CLBA1: variants seen among roughly 807,000 people sequenced by gnomAD.
CLBA1 encodes the protein uncharacterized protein CLBA1.
Under a neutral mutation model 28.8 loss-of-function variants are expected in CLBA1, and 30 were observed. That is an observed-to-expected ratio of 1.04 (90% CI 0.78 to 1.41). CLBA1 has a LOEUF of 1.41. CLBA1 is among the 40% of genes most tolerant of loss of function. CLBA1 has a pLI of 0.00. For missense variants in CLBA1, 451 were observed against 412.3 expected (o/e 1.09, Z -0.81); for synonymous variants, 160 against 152.8 (o/e 1.05, Z -0.35).
At chr14:104,989,538 C>T (rs1899960199) in intron 2 of CLBA1, 1 of 454,388 alleles carries the variant, frequency 2.2e-6, no homozygotes, top group Non-Finnish European at 4.4e-6. Context: ...CAGCCCCAGG[C>T]CCAGCCCCAG....
chr14:104,989,265 T>C (rs145296877), intron 2 of CLBA1, 177 bp downstream of exon 2: 10,031 of 618,530 alleles, frequency 0.016, 118 homozygotes, highest in Non-Finnish European at 0.021. Flanking sequence ...GCGCTCCAGC[T>C]GTGGCCTTCC....
intron 2 of CLBA1, chr14:104,989,906 TG>T (rs1183684177): frequency 5.6e-6 from 2 of 354,122 alleles, no homozygotes; most frequent in Admixed American, 7.0e-5. Flanking sequence ...GCTCCAGCCC[TG>T]GCCCACCGTG....
intron 3 of CLBA1, among the ~76,000 whole-genome samples, chr14:104,992,744 T>A (rs532604713): frequency 6.6e-6 from 1 of 152,208 alleles, no homozygotes; most frequent in African/African-American, 2.4e-5. Context: ...GGCGCTGAGG[T>A]CCTGAAGGGG....
At chr14:104,993,378 G>A (rs1900091761) in intron 4 of CLBA1, 4 of 985,308 alleles carry the variant, frequency 4.1e-6, no homozygotes, top group Non-Finnish European at 4.8e-6. Flanking sequence ...TGTGGATGAC[G>A]AGGCTGGAAG....
At chr14:104,993,602 C>A in intron 4 of CLBA1, 1 of 985,466 alleles carries the variant, frequency 1.0e-6, no homozygotes, top group African/African-American at 1.7e-5. Flanking sequence ...AGGAGATGGG[C>A]AGAGAAGGGG....
Position 104,995,381 on chromosome 14 carries a change from T to A in CLBA1, c.*622T>A, listed in dbSNP as rs1441808461. ...GGTTGTGGACAGGAGGTCGCACCAC[T>A]GGCCTGCGAGAGCCTCTGGTGGGCC... is the stretch of plus-strand genomic sequence containing the variant. On this transcript the variant is annotated 3_prime_UTR_variant, in exon 5 of 5. Transcript: ENST00000547315. The A allele has an allele frequency of 1.0e-6, 1 of 985,328 alleles. No individual in the cohort carries two copies. The highest frequency in any genetic ancestry group is 1.2e-6 in the Non-Finnish European group (1 of 829,954). The allele number at this position is 985,328 out of a possible 1,614,324, so 61.0% of individuals were successfully genotyped here.
rs2140900209 is a variant in CLBA1, at chr14:104,994,935, G to A, written c.*176G>A. Reference sequence around the variant, plus strand: ...TTGTCTCGGGTCTGACCAGGAGATGGAGGATGTGTCCTTGGCAGAGCCAAG... The same window carrying A: ...TTGTCTCGGGTCTGACCAGGAGATGAAGGATGTGTCCTTGGCAGAGCCAAG... On this transcript the variant is annotated 3_prime_UTR_variant, in exon 5 of 5. Transcript: ENST00000547315. 1.5e-6 allele frequency: 2 copies of A among 1,349,308 alleles called. No homozygotes were observed. The highest frequency in any genetic ancestry group is 3.7e-5 in the South Asian group (2 of 54,746). 83.6% of individuals were successfully genotyped at this position (1,349,308 alleles called of 1,614,324 possible).
At chr14:104,993,626 GCT>G (rs1900097124) in intron 4 of CLBA1, 1 of 985,456 alleles carries the variant, frequency 1.0e-6, no homozygotes, top group Middle Eastern at 5.2e-4. Context: ...TCTTCTTGCA[GCT>G]CTCTCTTTTA....
At chr14:104,995,646 T>C (rs528116248), downstream of CLBA1, 49 of 263,940 alleles carry the variant, frequency 1.9e-4, no homozygotes, top group Non-Finnish European at 2.5e-4. Context: ...CAGGGGACCA[T>C]AGCCTCCATG....
chr14:104,994,562 G>C, intron 4 of CLBA1, 36 bp from the exon 5 acceptor site: 1 of 1,573,558 alleles, frequency 6.4e-7, no homozygotes, highest in Middle Eastern at 2.2e-4. Flanking sequence ...TCATTGCCCG[G>C]GGTGCGCGCG....
intron 2 of CLBA1, chr14:104,989,323 G>T (rs1172088225): frequency 2.0e-6 from 1 of 498,048 alleles, no homozygotes; most frequent in South Asian, 2.1e-5. Flanking sequence ...ACCTGGAGCA[G>T]CTGGACCCAA....
Position 104,986,452 on chromosome 14 carries a change from G to T in CLBA1, c.21G>T (p.Leu7=), listed in dbSNP as rs762800190. 22 of 1,612,552 alleles carry T rather than the reference G, an allele frequency of 1.4e-5. No homozygotes were observed. Among genetic ancestry groups the T allele is most frequent in the Non-Finnish European group, 1.7e-5 (20 of 1,179,896 alleles). Residue 7 remains leucine (L), a synonymous_variant, in exon 1 of 5, where the codon CTG becomes CTT. Coordinates refer to ENST00000547315, the MANE Select transcript of CLBA1 (RefSeq NM_174891.4). ...CCAAGATGCAAGGCCGGCGGGAGCT[G>T]GGGGGAGAGCCTTTGAGTGACCTCC... is the stretch of plus-strand genomic sequence containing the variant. MQGRRE[L]GGEPLSDLQE... is the part of the protein sequence containing the mutation.
intron 2 of CLBA1, chr14:104,989,944 TGCCCCAGG>T (rs1899974474): frequency 1.2e-5 from 4 of 323,370 alleles, no homozygotes; most frequent in Admixed American, 7.6e-5. Flanking sequence ...AACCAGCACC[TGCCCCAGG>T]GTACCCTCTA....
Position 104,986,652 on chromosome 14 carries a change from A to G in CLBA1, c.221A>G (p.His74Arg), listed in dbSNP as rs1360605938. The change falls in exon 1 of 5, where the codon CAC becomes CGC. Residue 74 changes from histidine (H) to arginine (R), a missense_variant. Physicochemically the swap from His to Arg is conservative, Grantham distance 29. Coordinates refer to ENST00000547315, the MANE Select transcript of CLBA1 (RefSeq NM_174891.4). ...CTARCPDPGE[H>R]SSTWGEFEGF... Reference sequence around the variant, plus strand: ...GCCCGATGTCCTGACCCTGGGGAACACAGCAGCACTTGGGGGGAGTTTGAA... The same window carrying G: ...GCCCGATGTCCTGACCCTGGGGAACGCAGCAGCACTTGGGGGGAGTTTGAA... 26 of 1,614,026 alleles carry G rather than the reference A, an allele frequency of 1.6e-5. No homozygotes were observed. The highest frequency in any genetic ancestry group is 2.2e-5 in the Non-Finnish European group (26 of 1,180,032).
downstream of CLBA1, among the ~76,000 whole-genome samples, chr14:104,998,293 A>T (rs1159931054): frequency 6.6e-6 from 1 of 151,998 alleles, no homozygotes; most frequent in East Asian, 1.9e-4. Flanking sequence ...GCTCACCTGC[A>T]GTCCCAGCTA....
intron 3 of CLBA1, 34 bp from the exon 4 acceptor site, chr14:104,992,914 T>G (rs771089395): frequency 6.7e-7 from 1 of 1,497,246 alleles, no homozygotes; most frequent in Admixed American, 1.7e-5. Context: ...AAATGATGAC[T>G]GTACCGGCTG....
chr14:104,993,107 G>C (rs541460585), intron 4 of CLBA1, 43 bp downstream of exon 4: 13 of 1,590,804 alleles, frequency 8.2e-6, no homozygotes, highest in Non-Finnish European at 9.4e-6. Flanking sequence ...CCGCGCTGGC[G>C]GTGTCCACAC....
chr14:104,998,155 C>G (rs1900188237), downstream of CLBA1, among the ~76,000 whole-genome samples: 1 of 151,912 alleles, frequency 6.6e-6, no homozygotes, highest in Non-Finnish European at 1.5e-5. Context: ...ACCTGTAATC[C>G]CAGCACTTTG....
Position 104,986,230 on chromosome 14 carries a change from T to G in CLBA1, c.-202T>G. 1 of 614,550 alleles carries G rather than the reference T, an allele frequency of 1.6e-6. No individual in the cohort carries two copies. The highest frequency in any genetic ancestry group is 2.0e-5 in the South Asian group (1 of 50,110). The allele number at this position is 614,550 out of a possible 1,614,324, so 38.1% of individuals were successfully genotyped here. On this transcript the variant is annotated 5_prime_UTR_variant, in exon 1 of 5. Coordinates refer to ENST00000547315, the MANE Select transcript of CLBA1 (RefSeq NM_174891.4). ...CCAGGACTCCCGGGCGACCGGGCCA[T>G]TCCTGTGGTTTGTGTCAGTTCCACA...
Sources: gnomAD v4.1 joint callset for allele counts (sites outside exome capture counted in the v4.1 genomes callset) on GRCh38, gnomAD v4.1.1 for gene constraint, MANE v1.5 for transcripts, NCBI Gene and HGNC (gene_info 2026-07-23, HGNC 2026-07-21) for gene names.